The following WWC1 variants were observed in gnomAD, a reference collection of about 807,000 sequenced individuals.
WWC1 encodes the protein WW and C2 domain containing 1.
WWC1 carries 55 observed loss-of-function variants against 138.4 expected under a neutral mutation model. The observed-to-expected ratio is 0.40, with a 90% CI of 0.32 to 0.50. The LOEUF (loss-of-function observed/expected upper bound fraction) is 0.50. Ranked by LOEUF, WWC1 falls within the 20% of genes least tolerant of loss-of-function variation. The pLI is 0.72. For synonymous variants in WWC1, 524 were observed against 564.9 expected, an observed-to-expected ratio of 0.93 and a Z score of 1.03; for missense variants, 1,226 against 1,420.4, an observed-to-expected ratio of 0.86 and a Z score of 2.20.
At chr5:168,365,329 A>G (rs1179191710) in intron 1 of WWC1, among the ~76,000 whole-genome samples, 6 of 152,076 alleles carry the variant, frequency 3.9e-5, no homozygotes, top group Non-Finnish European at 8.8e-5. Context: ...TTAGAAAGTG[A>G]TCCCGCCCAG....
At chr5:168,369,842 C>T (rs1191578967) in intron 1 of WWC1, among the ~76,000 whole-genome samples, 4 of 150,686 alleles carry the variant, frequency 2.7e-5, no homozygotes, top group African/African-American at 9.8e-5. Context: ...AGAGTGTAAG[C>T]CTCTTTTTTT....
intron 1 of WWC1, among the ~76,000 whole-genome samples, chr5:168,345,923 G>T (rs923230179): frequency 3.9e-5 from 6 of 152,134 alleles, no homozygotes; most frequent in African/African-American, 9.7e-5. Flanking sequence ...TGTACAATCT[G>T]TGTGACCCTT....
At chr5:168,319,100 A>G (rs1008815180) in intron 1 of WWC1, among the ~76,000 whole-genome samples, 1 of 152,214 alleles carries the variant, frequency 6.6e-6, no homozygotes. Context: ...GCTCTTGTGA[A>G]CAATGCTGCT....
chr5:168,376,317 G>A (rs1486448277), intron 2 of WWC1, among the ~76,000 whole-genome samples: 1 of 152,172 alleles, frequency 6.6e-6, no homozygotes, highest in African/African-American at 2.4e-5. Flanking sequence ...GCCTCCCAAA[G>A]TGCTGGGATT....
At chr5:168,403,868 G>GCA (rs1238055621) in intron 5 of WWC1, among the ~76,000 whole-genome samples, 15 of 81,390 alleles carry the variant, frequency 1.8e-4, no homozygotes, top group Non-Finnish European at 3.3e-4. Context: ...TAAAACACAT[G>GCA]CATACACACA....
At chr5:168,450,679 A>T (rs991612193) in intron 17 of WWC1, among the ~76,000 whole-genome samples, 11 of 152,180 alleles carry the variant, frequency 7.2e-5, no homozygotes, top group Admixed American at 1.3e-4. Context: ...AAAATAAAAT[A>T]AAATTAATCT....
chr5:168,421,384 G>A (rs548945022), intron 9 of WWC1, among the ~76,000 whole-genome samples: 87 of 152,310 alleles, frequency 5.7e-4, no homozygotes, highest in Admixed American at 4.1e-3. Context: ...AGTTCAAATT[G>A]GGCCTCTCCT....
At chr5:168,294,782 C>T (rs1402814179) in intron 1 of WWC1, among the ~76,000 whole-genome samples, 3 of 152,122 alleles carry the variant, frequency 2.0e-5, no homozygotes, top group African/African-American at 7.2e-5. Context: ...CACGCCACCA[C>T]ATCCAGCCAA....
At chr5:168,406,134 C>T (rs1779769113) in intron 5 of WWC1, 64 bp from the exon 6 acceptor site, 1 of 1,588,056 alleles carries the variant, frequency 6.3e-7, no homozygotes, top group Non-Finnish European at 8.6e-7. Flanking sequence ...CTGTGCTTTT[C>T]CCCTGGGGAG....
At chr5:168,446,076 C>G (rs762463159) in intron 17 of WWC1, among the ~76,000 whole-genome samples, 57 of 141,444 alleles carry the variant, frequency 4.0e-4, no homozygotes, top group Non-Finnish European at 7.2e-4. Flanking sequence ...AATCAAATTT[C>G]TGTTACTAAC....
At chr5:168,319,211 G>A (rs1771858597) in intron 1 of WWC1, among the ~76,000 whole-genome samples, 1 of 152,042 alleles carries the variant, frequency 6.6e-6, no homozygotes. Flanking sequence ...CCTGACGTCA[G>A]GAGTTTGAGA....
At chr5:168,301,074 C>T (rs1227252330) in intron 1 of WWC1, among the ~76,000 whole-genome samples, 1 of 152,176 alleles carries the variant, frequency 6.6e-6, no homozygotes, top group Non-Finnish European at 1.5e-5. Context: ...TCATGATTGT[C>T]TTTAAAGATC....
chr5:168,441,587 G>A, intron 15 of WWC1, 95 bp from the exon 16 acceptor site: 1 of 1,347,300 alleles, frequency 7.4e-7, no homozygotes, highest in African/African-American at 1.5e-5. Flanking sequence ...ATCTGGAGTG[G>A]TGTTTTTTCC....
At chr5:168,379,384 C>T (rs764172526) in intron 2 of WWC1, among the ~76,000 whole-genome samples, 27 of 151,974 alleles carry the variant, frequency 1.8e-4, no homozygotes, top group Admixed American at 3.9e-4. Flanking sequence ...TCAGAACTAA[C>T]GGCATTAACA....
At chr5:168,448,086 C>T (rs1755442592) in intron 17 of WWC1, among the ~76,000 whole-genome samples, 1 of 152,120 alleles carries the variant, frequency 6.6e-6, no homozygotes, top group African/African-American at 2.4e-5. Flanking sequence ...GCCCCTGTCT[C>T]CACACCCCCT....
At chr5:168,383,749 T>G (rs960265997) in intron 2 of WWC1, among the ~76,000 whole-genome samples, 3 of 152,234 alleles carry the variant, frequency 2.0e-5, no homozygotes, top group African/African-American at 7.2e-5. Context: ...GAGGCTGGAT[T>G]CACCACATTG....
chr5:168,458,482 A>G (rs930290367), intron 19 of WWC1, among the ~76,000 whole-genome samples: 4 of 151,990 alleles, frequency 2.6e-5, no homozygotes, highest in African/African-American at 9.7e-5. Flanking sequence ...CACCTATGTC[A>G]CTTGGTTAGT....
At chr5:168,360,807 C>A (rs1775826491) in intron 1 of WWC1, among the ~76,000 whole-genome samples, 2 of 152,230 alleles carry the variant, frequency 1.3e-5, no homozygotes, top group South Asian at 4.1e-4. Flanking sequence ...TCTAGAAGGA[C>A]CAGCTCCTCA....
intron 19 of WWC1, among the ~76,000 whole-genome samples, chr5:168,456,134 C>T (rs1442694963): frequency 1.3e-5 from 2 of 149,204 alleles, no homozygotes; most frequent in African/African-American, 2.5e-5. Flanking sequence ...ACCCTGTCTC[C>T]GCCTAAGAAA....
Sources: gnomAD v4.1 joint callset for allele counts (sites outside exome capture counted in the v4.1 genomes callset) on GRCh38, gnomAD v4.1.1 for gene constraint, MANE v1.5 for transcripts, NCBI Gene and HGNC (gene_info 2026-07-23, HGNC 2026-07-21) for gene names.